Variants in ARHGAP15 observed in about 807,000 individuals in gnomAD.
ARHGAP15 encodes the protein rho GTPase-activating protein 15.
In ARHGAP15, 51 loss-of-function variants were observed where a neutral mutation model predicts 63.7. That is an observed-to-expected ratio of 0.80 (90% CI 0.64 to 1.01). The LOEUF is 1.01. Among genes scored for constraint, ARHGAP15 ranks in the 50% least tolerant of loss-of-function variants. The pLI, the probability that ARHGAP15 is intolerant of heterozygous loss-of-function variation, is 0.00. For synonymous variants in ARHGAP15, 191 were observed against 193.8 expected (o/e 0.99, Z 0.12); for missense variants, 560 against 564.6 (o/e 0.99, Z 0.08).
intron 6 of ARHGAP15, among the ~76,000 whole-genome samples, chr2:143,276,537 A>AT (rs1398055379): frequency 6.6e-6 from 1 of 152,134 alleles, no homozygotes; most frequent in Non-Finnish European, 1.5e-5. Context: ...TTTGTTAGAC[A>AT]TTTTTTGTTA....
At chr2:143,669,053 C>G (rs1389749375) in intron 12 of ARHGAP15, among the ~76,000 whole-genome samples, 1 of 152,186 alleles carries the variant, frequency 6.6e-6, no homozygotes, top group Non-Finnish European at 1.5e-5. Context: ...GACCCCTGAG[C>G]TTAAACCTTA....
At chr2:143,373,579 A>C (rs1451417668) in intron 6 of ARHGAP15, among the ~76,000 whole-genome samples, 1 of 146,004 alleles carries the variant, frequency 6.8e-6, no homozygotes, top group Non-Finnish European at 1.5e-5. Flanking sequence ...GCAGTGAGCC[A>C]AGATAGCACC....
chr2:143,253,676 A>C (rs947763838), intron 6 of ARHGAP15, among the ~76,000 whole-genome samples: 3 of 150,924 alleles, frequency 2.0e-5, no homozygotes, highest in Admixed American at 1.3e-4. Flanking sequence ...TTCTATAATA[A>C]AGTATGTATT....
chr2:143,738,848 G>T (rs755716429), intron 13 of ARHGAP15, among the ~76,000 whole-genome samples: 1 of 152,114 alleles, frequency 6.6e-6, no homozygotes, highest in Non-Finnish European at 1.5e-5. Context: ...AAGACACTCT[G>T]GTTGGTCCCA....
intron 6 of ARHGAP15, among the ~76,000 whole-genome samples, chr2:143,334,435 A>G (rs1197462509): frequency 6.6e-6 from 1 of 152,168 alleles, no homozygotes; most frequent in African/African-American, 2.4e-5. Flanking sequence ...ACTGTTGCAC[A>G]CACATATGTG....
At chr2:143,720,340 A>G (rs1339595799) in intron 13 of ARHGAP15, among the ~76,000 whole-genome samples, 1 of 152,196 alleles carries the variant, frequency 6.6e-6, no homozygotes, top group Non-Finnish European at 1.5e-5. Context: ...GAAGTCAGCC[A>G]GGACGCCGAG....
intron 6 of ARHGAP15, among the ~76,000 whole-genome samples, chr2:143,350,033 C>T (rs1326593408): frequency 2.0e-5 from 3 of 152,028 alleles, no homozygotes; most frequent in Non-Finnish European, 4.4e-5. Flanking sequence ...TAAAATATCT[C>T]CTTGCAATAA....
chr2:143,392,665 G>T (rs970844169), intron 6 of ARHGAP15, among the ~76,000 whole-genome samples: 1 of 152,168 alleles, frequency 6.6e-6, no homozygotes, highest in Non-Finnish European at 1.5e-5. Context: ...AGCAAGTGAA[G>T]TAGAGATGGA....
intron 6 of ARHGAP15, among the ~76,000 whole-genome samples, chr2:143,293,040 A>G (rs988871955): frequency 2.1e-4 from 32 of 152,190 alleles, no homozygotes; most frequent in African/African-American, 7.5e-4. Flanking sequence ...TGTAAATTTA[A>G]ATTATCTTAG....
intron 9 of ARHGAP15, among the ~76,000 whole-genome samples, chr2:143,515,144 C>T (rs966916952): frequency 2.0e-5 from 3 of 151,938 alleles, no homozygotes; most frequent in Admixed American, 1.3e-4. Context: ...TCACATCAGT[C>T]GTTTAACTAA....
At chr2:143,445,012 C>G (rs1395251090) in intron 8 of ARHGAP15, among the ~76,000 whole-genome samples, 1 of 151,880 alleles carries the variant, frequency 6.6e-6, no homozygotes, top group African/African-American at 2.4e-5. Context: ...TAAATATACC[C>G]TATTTGTATA....
intron 10 of ARHGAP15, among the ~76,000 whole-genome samples, chr2:143,538,233 TC>T (rs1694871848): frequency 1.3e-5 from 2 of 152,206 alleles, no homozygotes; most frequent in South Asian, 4.1e-4. Flanking sequence ...TGATTTTGTA[TC>T]CTGAGACTTT....
chr2:143,336,946 G>A (rs71423265), intron 6 of ARHGAP15, among the ~76,000 whole-genome samples: 36,194 of 151,932 alleles, frequency 0.24, 4,762 homozygotes, highest in East Asian at 0.46. Context: ...CTATCACCAA[G>A]GAGTTTACAG....
chr2:143,669,342 CAT>C (rs1448460195), intron 12 of ARHGAP15, among the ~76,000 whole-genome samples: 3 of 152,208 alleles, frequency 2.0e-5, no homozygotes, highest in Non-Finnish European at 4.4e-5. Flanking sequence ...TATTTTGAGG[CAT>C]AGTTGGACAT....
At chr2:143,649,734 A>G (rs1283517997) in intron 12 of ARHGAP15, among the ~76,000 whole-genome samples, 1 of 151,942 alleles carries the variant, frequency 6.6e-6, no homozygotes, top group Non-Finnish European at 1.5e-5. Flanking sequence ...GCCCTTTAAT[A>G]CAAGGAAATG....
At chr2:143,300,112 A>G (rs75930392) in intron 6 of ARHGAP15, among the ~76,000 whole-genome samples, 4,332 of 152,120 alleles carry the variant, frequency 0.028, 203 homozygotes, top group African/African-American at 0.1. Flanking sequence ...TATAAAACCT[A>G]TTCAAAGGGG....
chr2:143,182,107 G>T (rs1691259560), intron 2 of ARHGAP15, among the ~76,000 whole-genome samples: 1 of 151,870 alleles, frequency 6.6e-6, no homozygotes, highest in African/African-American at 2.4e-5. Context: ...GGGATTACAG[G>T]TACTCAGCAC....
chr2:143,398,369 A>G (rs1172650424), intron 6 of ARHGAP15, among the ~76,000 whole-genome samples: 1 of 152,080 alleles, frequency 6.6e-6, no homozygotes, highest in Non-Finnish European at 1.5e-5. Flanking sequence ...TGTAGTTGCT[A>G]ACTCCGCTTG....
intron 6 of ARHGAP15, among the ~76,000 whole-genome samples, chr2:143,360,335 T>C (rs1239919728): frequency 6.6e-6 from 1 of 152,020 alleles, no homozygotes; most frequent in Admixed American, 6.6e-5. Flanking sequence ...CAGTGAGCCG[T>C]GATTGTGCCA....
Sources: allele counts gnomAD v4.1 joint callset (sites outside exome capture counted in the v4.1 genomes callset), GRCh38; gene constraint gnomAD v4.1.1; transcripts MANE v1.5; gene names NCBI Gene and HGNC (gene_info 2026-07-23, HGNC 2026-07-21).